The following PTPRT variants were observed in gnomAD, a reference collection of about 807,000 sequenced individuals.
PTPRT encodes receptor-type tyrosine-protein phosphatase T.
Under a neutral mutation model 176.8 loss-of-function variants are expected in PTPRT, and 56 were observed. The ratio of observed to expected loss-of-function variants is 0.32; its 90% confidence interval spans 0.26 to 0.40. The LOEUF is 0.40. Among genes scored for constraint, PTPRT ranks in the 10% least tolerant of loss-of-function variants. The probability of loss-of-function intolerance (pLI) is 1.00; values close to 1 mark genes in which losing one functional copy is unlikely to be tolerated. For missense variants in PTPRT, 1,540 were observed against 1,908.2 expected (o/e 0.81, Z 3.60); for synonymous variants, 783 against 739.0 (o/e 1.06, Z -0.96).
chr20:42,573,594 T>A (rs1470140291), intron 7 of PTPRT, among the ~76,000 whole-genome samples: 1 of 152,072 alleles, frequency 6.6e-6, no homozygotes, highest in African/African-American at 2.4e-5. Flanking sequence ...AGTTCTGATT[T>A]CACCAGATCC....
At chr20:42,970,970 C>G (rs549468656) in intron 1 of PTPRT, 1 of 152,334 alleles carries the variant, frequency 6.6e-6, no homozygotes, top group South Asian at 2.1e-4. Flanking sequence ...CTTTCATGTT[C>G]ATGGGCAGAT....
In PTPRT at chr20:42,303,482, C is replaced by T. The variant is rs141920955; in HGVS notation, c.2139+12241G>A. Among the ~76,000 whole-genome samples, 42 of 152,100 alleles carry T rather than the reference C, an allele frequency of 2.8e-4. 1 individual carries two copies. The highest frequency in any genetic ancestry group is 1.9e-4 in the East Asian group (1 of 5,174). ...GAAGCTATCTTGTGGGACTAGGGCT[C>T]GGCATGAAACGGAGCAGTAAATGCA... On this transcript the variant is annotated intron_variant, in intron 12 of 30. Transcript: ENST00000373187.
At chr20:42,673,356 A>G (rs571641261) in intron 7 of PTPRT, among the ~76,000 whole-genome samples, 13 of 152,310 alleles carry the variant, frequency 8.5e-5, no homozygotes, top group African/African-American at 3.1e-4. Context: ...ACTCAGTGGA[A>G]TCCTTACAGC....
At chr20:42,887,188 C>G (rs566516672) in intron 1 of PTPRT, among the ~76,000 whole-genome samples, 1 of 152,110 alleles carries the variant, frequency 6.6e-6, no homozygotes, top group Non-Finnish European at 1.5e-5. Context: ...AAGTTTCAAA[C>G]CCCAAAGTGA....
At chr20:43,092,725 A>G (rs1315337687) in intron 1 of PTPRT, among the ~76,000 whole-genome samples, 1 of 152,198 alleles carries the variant, frequency 6.6e-6, no homozygotes. Flanking sequence ...CTTCCTTTCC[A>G]GCAACATAAC....
At chr20:42,532,987 T>C (rs1056243059) in intron 7 of PTPRT, among the ~76,000 whole-genome samples, 1 of 152,124 alleles carries the variant, frequency 6.6e-6, no homozygotes, top group Non-Finnish European at 1.5e-5. Context: ...GGGAGAGTTA[T>C]GGGAGCCCCA....
chr20:42,883,654 T>TACAC (rs1274840753), intron 2 of PTPRT, among the ~76,000 whole-genome samples: 5 of 11,866 alleles, frequency 4.2e-4, no homozygotes, highest in South Asian at 5.8e-3. Context: ...CACACCGCCA[T>TACAC]ATACACACAC....
chr20:43,182,408 C>T (rs546433017), intron 1 of PTPRT, among the ~76,000 whole-genome samples: 17 of 150,316 alleles, frequency 1.1e-4, no homozygotes, highest in East Asian at 1.9e-4. Context: ...TTTTTTTTTC[C>T]GAGACACAGT....
At chr20:42,309,292 A>C (rs1295330344) in intron 12 of PTPRT, among the ~76,000 whole-genome samples, 1 of 152,180 alleles carries the variant, frequency 6.6e-6, no homozygotes. Flanking sequence ...GATGCAGAGA[A>C]CAGTAGATTC....
At chr20:42,663,328 T>C (rs1317123622) in intron 7 of PTPRT, among the ~76,000 whole-genome samples, 1 of 152,118 alleles carries the variant, frequency 6.6e-6, no homozygotes, top group East Asian at 1.9e-4. Flanking sequence ...ATTTCTTGCC[T>C]GTTGAAAGGA....
chr20:42,940,933 T>A (rs1462060249), intron 1 of PTPRT, among the ~76,000 whole-genome samples: 2 of 151,634 alleles, frequency 1.3e-5, no homozygotes, highest in East Asian at 1.9e-4. Flanking sequence ...TACAAAAAAA[T>A]TAGCAGGATA....
intron 13 of PTPRT, among the ~76,000 whole-genome samples, chr20:42,276,818 C>T (rs969704119): frequency 3.3e-5 from 5 of 151,826 alleles, no homozygotes; most frequent in African/African-American, 9.7e-5. Flanking sequence ...TATCACACCA[C>T]CTGTGGCTGT....
Position 42,161,895 on chromosome 20 carries a change from C to T in PTPRT, c.2492-353G>A, listed in dbSNP as rs145033912. The stretch of plus-strand genomic sequence containing the variant: ...ATTTATTGGGAGCCCCCTCCTGTTT[C>T]GGAAGCAGAGAGGCTGGAAATAGTG... On this transcript the variant is annotated intron_variant, in intron 16 of 30. Transcript: ENST00000373187. Among the ~76,000 whole-genome samples the T allele has an allele frequency of 9.2e-4, 140 of 152,274 alleles. No homozygotes were observed. In the East Asian group the frequency reaches 0.011, roughly 12 times the overall value.
chr20:43,020,677 G>T (rs1050846245), intron 1 of PTPRT, among the ~76,000 whole-genome samples: 2 of 152,070 alleles, frequency 1.3e-5, no homozygotes, highest in Admixed American at 6.5e-5. Flanking sequence ...CTGAGATACC[G>T]CTCCCATGCA....
At chr20:42,868,101 G>A (rs969024370) in intron 2 of PTPRT, among the ~76,000 whole-genome samples, 1 of 152,170 alleles carries the variant, frequency 6.6e-6, no homozygotes, top group Non-Finnish European at 1.5e-5. Context: ...CTTTAGAAAT[G>A]GGTAATGAGT....
intron 7 of PTPRT, among the ~76,000 whole-genome samples, chr20:42,482,275 C>T (rs567817909): frequency 4.6e-5 from 7 of 152,084 alleles, no homozygotes; most frequent in African/African-American, 1.7e-4. Context: ...TTGAGTGGAC[C>T]GTCCACAAGA....
chr20:42,377,424 T>C (rs1294278846), intron 9 of PTPRT, among the ~76,000 whole-genome samples: 1 of 152,240 alleles, frequency 6.6e-6, no homozygotes, highest in Non-Finnish European at 1.5e-5. Context: ...CACAAATGTA[T>C]GCATGCATAA....
chr20:42,997,832 C>A (rs1005686653), intron 1 of PTPRT, among the ~76,000 whole-genome samples: 1 of 152,014 alleles, frequency 6.6e-6, no homozygotes, highest in African/African-American at 2.4e-5. Flanking sequence ...GGATTCAATC[C>A]GAGGCCTCCA....
At chr20:42,826,134 G>C (rs775933552) in intron 2 of PTPRT, among the ~76,000 whole-genome samples, 1 of 151,992 alleles carries the variant, frequency 6.6e-6, no homozygotes, top group Non-Finnish European at 1.5e-5. Flanking sequence ...CAGCTGAGAG[G>C]GGGTAAGTCA....
Sources: gnomAD v4.1 joint callset for allele counts (sites outside exome capture counted in the v4.1 genomes callset) on GRCh38, gnomAD v4.1.1 for gene constraint, MANE v1.5 for transcripts, NCBI Gene and HGNC (gene_info 2026-07-23, HGNC 2026-07-21) for gene names.